ANKS1B: variants seen among roughly 807,000 people sequenced by gnomAD.
The protein encoded by ANKS1B is ankyrin repeat and sterile alpha motif domain-containing protein 1B.
ANKS1B carries 36 observed loss-of-function variants against 148.3 expected under a neutral mutation model. That is an observed-to-expected ratio of 0.24 (90% CI 0.19 to 0.32). ANKS1B has a LOEUF of 0.32. Among genes scored for constraint, ANKS1B ranks in the 10% least tolerant of loss-of-function variants. The probability of loss-of-function intolerance (pLI) is 1.00; values close to 1 mark genes in which losing one functional copy is unlikely to be tolerated. For missense variants in ANKS1B, 1,157 were observed against 1,542.6 expected (o/e 0.75, Z 4.19); for synonymous variants, 542 against 560.8 (o/e 0.97, Z 0.47).
intron 15 of ANKS1B, among the ~76,000 whole-genome samples, chr12:99,091,910 A>G (rs2054145944): frequency 6.6e-6 from 1 of 151,858 alleles, no homozygotes; most frequent in South Asian, 2.1e-4. Flanking sequence ...TTGAGTTAAA[A>G]AAACATGGTT....
intron 10 of ANKS1B, among the ~76,000 whole-genome samples, chr12:99,482,237 T>C (rs1427058273): frequency 6.6e-6 from 1 of 152,076 alleles, no homozygotes; most frequent in African/African-American, 2.4e-5. Context: ...AGTTTCATTC[T>C]TCTACATGTG....
intron 10 of ANKS1B, among the ~76,000 whole-genome samples, chr12:99,486,542 C>A (rs1374664671): frequency 6.6e-6 from 1 of 151,868 alleles, no homozygotes; most frequent in Non-Finnish European, 1.5e-5. Flanking sequence ...AGGCTTCAGG[C>A]CAATAGGGGA....
At chr12:98,791,131 G>A (rs11109608) in intron 22 of ANKS1B, among the ~76,000 whole-genome samples, 39,193 of 152,054 alleles carry the variant, frequency 0.26, 5,423 homozygotes, top group Middle Eastern at 0.32. Flanking sequence ...CAGATCACAA[G>A]GTCAGGAGTT....
intron 12 of ANKS1B, among the ~76,000 whole-genome samples, chr12:99,309,104 C>T (rs1300549224): frequency 6.6e-6 from 1 of 151,676 alleles, no homozygotes; most frequent in Non-Finnish European, 1.5e-5. Flanking sequence ...TCTATGGTTG[C>T]AACCTTGTAA....
chr12:99,492,522 T>G (rs1176419795), intron 10 of ANKS1B, among the ~76,000 whole-genome samples: 1 of 151,988 alleles, frequency 6.6e-6, no homozygotes, highest in Non-Finnish European at 1.5e-5. Flanking sequence ...AAAAAATTGA[T>G]AAGGGACTCC....
Position 99,319,086 on chromosome 12 carries a change from C to G in ANKS1B, c.1757-72222G>C, listed in dbSNP as rs2154030319. On this transcript the variant is annotated intron_variant, in intron 12 of 26. Transcript: ENST00000683438. ...TTTACACTTGCTGAGGAGTGCTTTA[C>G]TTCCAACTATGTGGTCAATTTTGGA... 1.3e-5 allele frequency among the ~76,000 whole-genome samples: 2 copies of G among 152,272 alleles called. 1 individual carries two copies. Among genetic ancestry groups the G allele is most frequent in the East Asian group, 3.9e-4 (2 of 5,182 alleles).
chr12:99,896,217 C>G lies in ANKS1B; in HGVS notation c.135-70828G>C, dbSNP rs909265877. Reference sequence around the variant, plus strand: ...CTACATAACTGAAATTTTATACTCTCGTTGACCTCCATCTGCCCATTTCTC... The same window carrying G: ...CTACATAACTGAAATTTTATACTCTGGTTGACCTCCATCTGCCCATTTCTC... On this transcript the variant is annotated intron_variant, in intron 1 of 26. Transcript: ENST00000683438. Among the ~76,000 whole-genome samples the G allele has an allele frequency of 8.6e-5, 13 of 151,156 alleles. 1 individual carries two copies. Among genetic ancestry groups the G allele is most frequent in the African/African-American group, 3.1e-4 (13 of 41,306 alleles).
At position 99,220,856 on chromosome 12, in the gene ANKS1B, A is replaced by G. The variant is rs191757868; in HGVS notation, c.2419+23486T>C. ...AAAAATAAAGTTTGATTCATACCTC[A>G]TTCCTTATACAACAGTAAATTACAT... On this transcript the variant is annotated intron_variant, in intron 14 of 26. Transcript: ENST00000683438. Among the ~76,000 whole-genome samples, 184 of 152,312 alleles carry G rather than the reference A, an allele frequency of 1.2e-3. 1 individual carries two copies. The highest frequency in any genetic ancestry group is 0.012 in the Admixed American group (183 of 15,288).
At chr12:99,136,159 C>T (rs2067977608) in intron 15 of ANKS1B, among the ~76,000 whole-genome samples, 1 of 152,216 alleles carries the variant, frequency 6.6e-6, no homozygotes, top group East Asian at 1.9e-4. Flanking sequence ...TTCCCAGTAA[C>T]TGTGCAAATG....
intron 24 of ANKS1B, 89 bp downstream of exon 24, chr12:98,781,028 G>T: frequency 1.3e-6 from 1 of 758,722 alleles, no homozygotes; most frequent in Non-Finnish European, 2.1e-6. Context: ...ACAGTGGGGA[G>T]TGCTGGGTAT....
intron 12 of ANKS1B, among the ~76,000 whole-genome samples, chr12:99,366,192 A>G (rs1247011243): frequency 6.6e-6 from 1 of 152,230 alleles, no homozygotes; most frequent in Non-Finnish European, 1.5e-5. Flanking sequence ...TTAGGAAGGG[A>G]GAAGTCAGGG....
At chr12:99,344,212 T>C (rs1421439005) in intron 12 of ANKS1B, among the ~76,000 whole-genome samples, 1 of 152,026 alleles carries the variant, frequency 6.6e-6, no homozygotes. Flanking sequence ...TATATGCATG[T>C]GTGTGTGTTT....
At chr12:98,979,589 T>C (rs12297446) in intron 17 of ANKS1B, among the ~76,000 whole-genome samples, 32,361 of 152,054 alleles carry the variant, frequency 0.21, 3,709 homozygotes, top group South Asian at 0.38. Flanking sequence ...CTGGTTTTCA[T>C]AGTTTATGGC....
At chr12:98,860,050 T>C (rs2099590856) in intron 17 of ANKS1B, among the ~76,000 whole-genome samples, 1 of 152,232 alleles carries the variant, frequency 6.6e-6, no homozygotes, top group Non-Finnish European at 1.5e-5. Flanking sequence ...TTACCATATG[T>C]TTCACATAGG....
chr12:99,682,159 G>C (rs2098623631), intron 8 of ANKS1B, among the ~76,000 whole-genome samples: 1 of 152,164 alleles, frequency 6.6e-6, no homozygotes, highest in Non-Finnish European at 1.5e-5. Context: ...CACAATATTA[G>C]TGGAGGACTT....
intron 8 of ANKS1B, among the ~76,000 whole-genome samples, chr12:99,698,632 AAAC>A (rs1457506999): frequency 2.6e-5 from 4 of 152,180 alleles, no homozygotes; most frequent in African/African-American, 9.7e-5. Flanking sequence ...ACTCTACAGC[AAAC>A]AATAAGTTCC....
chr12:99,717,254 C>T (rs2057449010), intron 8 of ANKS1B, among the ~76,000 whole-genome samples: 1 of 152,114 alleles, frequency 6.6e-6, no homozygotes, highest in Non-Finnish European at 1.5e-5. Context: ...GCCCTCAAAC[C>T]CCACAACAGG....
intron 1 of ANKS1B, among the ~76,000 whole-genome samples, chr12:99,849,031 G>C (rs960803176): frequency 2.0e-5 from 3 of 151,938 alleles, no homozygotes; most frequent in Non-Finnish European, 4.4e-5. Context: ...ATAGATACTG[G>C]GAAATAAAGA....
chr12:98,790,105 TTTAA>T (rs2098834364), intron 22 of ANKS1B, among the ~76,000 whole-genome samples: 1 of 152,166 alleles, frequency 6.6e-6, no homozygotes, highest in South Asian at 2.1e-4. Flanking sequence ...AATGTATGAT[TTTAA>T]TTAAAAATGC....
Sources: allele counts gnomAD v4.1 joint callset (sites outside exome capture counted in the v4.1 genomes callset), GRCh38; gene constraint gnomAD v4.1.1; transcripts MANE v1.5; gene names NCBI Gene and HGNC (gene_info 2026-07-23, HGNC 2026-07-21).